Variants in CFAP52 observed in about 807,000 individuals in gnomAD.
The protein encoded by CFAP52 is cilia- and flagella-associated protein 52.
In CFAP52, 57 loss-of-function variants were observed where a neutral mutation model predicts 70.5. The observed-to-expected ratio is 0.81, with a 90% CI of 0.65 to 1.01. CFAP52 has a LOEUF of 1.01. Among genes scored for constraint, CFAP52 ranks in the 50% least tolerant of loss-of-function variants. CFAP52 has a pLI of 0.00. For missense variants in CFAP52, 785 were observed against 788.5 expected (o/e 1.00, Z 0.05); for synonymous variants, 267 against 292.5 (o/e 0.91, Z 0.89).
At chr17:9,585,205 C>G (rs1275604125) in intron 1 of CFAP52, among the ~76,000 whole-genome samples, 5 of 152,158 alleles carry the variant, frequency 3.3e-5, no homozygotes, top group Non-Finnish European at 5.9e-5. Flanking sequence ...ATGAGAAATA[C>G]AGAATCTCAA....
chr17:9,614,145 TTTTC>T (rs1909817646), intron 8 of CFAP52, among the ~76,000 whole-genome samples: 2 of 138,484 alleles, frequency 1.4e-5, no homozygotes, highest in Non-Finnish European at 1.5e-5. Flanking sequence ...TTTCTTTTTC[TTTTC>T]TTTCTTTCTT....
chr17:9,596,057 G>GTATATATATA (rs1322554543), intron 4 of CFAP52, among the ~76,000 whole-genome samples: 1 of 103,590 alleles, frequency 9.7e-6, no homozygotes, highest in Non-Finnish European at 1.9e-5. Flanking sequence ...ATATATGTGT[G>GTATATATATA]TGTATATATA....
At position 9,632,202 on chromosome 17, in the gene CFAP52, C is replaced by T. The variant is rs927244153; in HGVS notation, c.1175-686C>T. On this transcript the variant is annotated intron_variant, in intron 9 of 13. Coordinates refer to ENST00000352665, the MANE Select transcript of CFAP52 (RefSeq NM_145054.5). ...AAGTGATCCTCCTACTTCAGCCTCC[C>T]GAGTAGCTAGGACTAAATGGGCATG... Among the ~76,000 whole-genome samples the T allele has an allele frequency of 2.2e-4, 34 of 151,652 alleles. 1 individual carries two copies. Among genetic ancestry groups the T allele is most frequent in the Admixed American group, 6.6e-4 (10 of 15,188 alleles).
rs146845939 is a variant in CFAP52 at position 9,600,164 on chromosome 17, C to T, written c.734C>T (p.Ala245Val). ...AAACTGCTGACAGATGTTGGGCCTGCGAAGGACAAATTCAGTTTGGTGAGT... is the reference window on the plus strand; with the variant it reads ...AAACTGCTGACAGATGTTGGGCCTGTGAAGGACAAATTCAGTTTGGTGAGT... ...RTKLLTDVGP[A>V]KDKFSLGVSA... is the part of the protein sequence containing the mutation. The change falls in exon 6 of 14, where the codon GCG becomes GTG. Residue 245 changes from alanine (A) to valine (V), a missense_variant. Ala to Val is a moderately conservative substitution (Grantham distance 64). Transcript: ENST00000352665. 2.9e-4 allele frequency: 466 copies of T among 1,613,836 alleles called. No homozygotes were observed. The highest frequency in any genetic ancestry group is 3.6e-4 in the Non-Finnish European group (423 of 1,179,826).
At chr17:9,595,892 T>C (rs1318671261) in intron 4 of CFAP52, among the ~76,000 whole-genome samples, 2 of 150,590 alleles carry the variant, frequency 1.3e-5, no homozygotes, top group African/African-American at 4.9e-5. Flanking sequence ...AAAAAGCTCT[T>C]TGTTTAAAAA....
chr17:9,635,338 G>A, intron 10 of CFAP52, 67 bp from the exon 11 acceptor site: 1 of 1,579,688 alleles, frequency 6.3e-7, no homozygotes, highest in Non-Finnish European at 8.6e-7. Flanking sequence ...AAAAGCTCTT[G>A]GAATCTTTTC....
intron 1 of CFAP52, among the ~76,000 whole-genome samples, chr17:9,581,830 CA>C (rs1333323605): frequency 6.6e-6 from 1 of 152,290 alleles, no homozygotes; most frequent in South Asian, 2.1e-4. Flanking sequence ...TTGGCTCAGC[CA>C]ATCAGACATT....
chr17:9,613,202 T>C (rs1181276620), intron 8 of CFAP52, among the ~76,000 whole-genome samples: 1 of 151,338 alleles, frequency 6.6e-6, no homozygotes, highest in Non-Finnish European at 1.5e-5. Context: ...ACAGGCTTCA[T>C]GGTGGTGGGT....
intron 3 of CFAP52, among the ~76,000 whole-genome samples, chr17:9,589,732 C>CAA (rs33978485): frequency 2.4e-5 from 3 of 127,496 alleles, no homozygotes; most frequent in African/African-American, 9.4e-5. Flanking sequence ...GACTCCGTCT[C>CAA]AAAAAAAAAA....
intron 5 of CFAP52, 134 bp from the exon 6 acceptor site, chr17:9,599,933 G>C: frequency 1.5e-6 from 1 of 654,752 alleles, no homozygotes; most frequent in East Asian, 2.8e-5. Context: ...TAGAGACAGG[G>C]TTTCTCCATG....
rs1382198950 is a variant in CFAP52, at chr17:9,616,504, A to G, written c.1025+4025A>G. ...AACTGGGTGGAGCCCACCACAACTC[A>G]AGGAGGCCTGCCTGCCTCTGTAGGC... On this transcript the variant is annotated intron_variant, in intron 8 of 13. Transcript: ENST00000352665. 5.7e-5 allele frequency among the ~76,000 whole-genome samples: 8 copies of G among 141,220 alleles called. No homozygotes were observed. In the Admixed American group the frequency reaches 5.7e-4, roughly 10 times the overall value. 92.6% of individuals were successfully genotyped at this position (141,220 alleles called of 152,430 possible).
Position 9,635,483 on chromosome 17 carries a change from A to G in CFAP52, c.1399A>G (p.Ile467Val). ...LKEHKSSVSCIRVKRNNEECV... is the reference protein window; with the variant it reads ...LKEHKSSVSCVRVKRNNEECV... ...GGAACACAAGTCATCAGTGTCCTGC[A>G]TTAGGGTGAAGAGGAACAACGAGGA... The change falls in exon 11 of 14, where the codon ATT becomes GTT. Residue 467 changes from isoleucine (I) to valine (V), a missense_variant. Transcript: ENST00000352665. 6.2e-7 allele frequency: 1 copy of G among 1,614,208 alleles called. No individual in the cohort carries two copies. Among genetic ancestry groups the G allele is most frequent in the Non-Finnish European group, 8.5e-7 (1 of 1,180,044 alleles).
chr17:9,628,732 A>C lies in CFAP52; in HGVS notation c.1086A>C (p.Ser362=), dbSNP rs1567633780. 3.7e-6 allele frequency: 6 copies of C among 1,614,032 alleles called. No homozygotes were observed. Among genetic ancestry groups the C allele is most frequent in the African/African-American group, 2.7e-5 (2 of 74,912 alleles). The stretch of plus-strand genomic sequence containing the variant: ...AGGATATCAGGGTGTGGCACACATC[A>C]TCCAACAGGGAGCTGCTGCGGATCA... ...AKKDIRVWHT[S]SNRELLRITV... is the part of the protein sequence containing the mutation. The change falls in exon 9 of 14, where the codon TCA becomes TCC. Residue 362 remains serine, a synonymous_variant. Coordinates refer to ENST00000352665, the MANE Select transcript of CFAP52 (RefSeq NM_145054.5).
chr17:9,612,447 CT>C lies in CFAP52; in HGVS notation c.996del (p.Phe332LeufsTer44). 1 of 1,614,168 alleles carries C rather than the reference CT, an allele frequency of 6.2e-7. No individual in the cohort carries two copies. Reference protein sequence around the residue: ...FKETLIATCHFDAVEDIVFPF... With the variant: ...FKETLIATCHXDAVEDIVFPF... ...AAGAGACGCTCATAGCGACTTGTCA[CT>C]TTGATGCTGTCGAGGATATTGTCTT... On this transcript the variant is annotated frameshift_variant, in exon 8 of 14. Coordinates refer to ENST00000352665, the MANE Select transcript of CFAP52 (RefSeq NM_145054.5). LOFTEE classifies it high-confidence loss of function.
intron 6 of CFAP52, among the ~76,000 whole-genome samples, chr17:9,604,794 T>C (rs920580566): frequency 6.7e-6 from 1 of 149,372 alleles, no homozygotes; most frequent in Non-Finnish European, 1.5e-5. Flanking sequence ...AATAAATAAA[T>C]AAATAAATAA....
At chr17:9,593,876 A>G in intron 3 of CFAP52, among the ~76,000 whole-genome samples, 1 of 151,914 alleles carries the variant, frequency 6.6e-6, no homozygotes, top group South Asian at 2.1e-4. Context: ...GAGGCAGGAG[A>G]ATCGCTTGAA....
chr17:9,637,678 G>T (rs939701704), intron 11 of CFAP52, among the ~76,000 whole-genome samples: 10 of 152,196 alleles, frequency 6.6e-5, no homozygotes, highest in Middle Eastern at 3.2e-3. Flanking sequence ...GGGTTCAAGT[G>T]CTTCTCTTGC....
chr17:9,601,645 A>C (rs1909276709), intron 6 of CFAP52, among the ~76,000 whole-genome samples: 1 of 152,238 alleles, frequency 6.6e-6, no homozygotes, highest in African/African-American at 2.4e-5. Context: ...GAAATAGTCA[A>C]CTGTTTATAT....
intron 6 of CFAP52, among the ~76,000 whole-genome samples, chr17:9,603,309 C>T (rs181746335): frequency 7.2e-5 from 11 of 152,110 alleles, no homozygotes; most frequent in Non-Finnish European, 1.3e-4. Context: ...CCAGAGTTTA[C>T]GCCATTCTCC....
Sources: gnomAD v4.1 joint callset for allele counts (sites outside exome capture counted in the v4.1 genomes callset) on GRCh38, gnomAD v4.1.1 for gene constraint, MANE v1.5 for transcripts, NCBI Gene and HGNC (gene_info 2026-07-23, HGNC 2026-07-21) for gene names.